The following XRN2 variants were observed in gnomAD, a reference collection of about 807,000 sequenced individuals.
XRN2 encodes 5'-3' exoribonuclease 2, also known as DHM1-like protein.
A neutral mutation model predicts 138.5 loss-of-function variants in XRN2; 44 were observed. The observed-to-expected ratio is 0.32, with a 90% confidence interval of 0.25 to 0.41. The LOEUF (loss-of-function observed/expected upper bound fraction) is 0.41, where lower values mean the gene tolerates loss of function less well. Ranked by LOEUF, XRN2 falls within the 10% of genes least tolerant of loss-of-function variation. The pLI is 1.00. For missense variants in XRN2, 937 were observed against 1,169.3 expected (o/e 0.80, Z 2.90); for synonymous variants, 354 against 369.4 (o/e 0.96, Z 0.48).
intron 24 of XRN2, 54 bp downstream of exon 24, chr20:21,357,846 A>C (rs928671323): frequency 6.8e-7 from 1 of 1,466,702 alleles, no homozygotes; most frequent in Non-Finnish European, 9.3e-7. Flanking sequence ...TGAACTTGCA[A>C]ATCCATTTTA....
At chr20:21,367,445 A>C (rs1360835898) in intron 26 of XRN2, among the ~76,000 whole-genome samples, 1 of 152,134 alleles carries the variant, frequency 6.6e-6, no homozygotes, top group Admixed American at 6.5e-5. Context: ...TATACAGCAA[A>C]TATTAAGAGG....
Position 21,357,759 on chromosome 20 carries a change from TG to T in XRN2, c.2223del (p.Met741IlefsTer2). On this transcript the variant is annotated frameshift_variant, in exon 24 of 30. Coordinates refer to ENST00000377191, the MANE Select transcript of XRN2 (RefSeq NM_012255.5). LOFTEE classifies it high-confidence loss of function. ...PDQIVCSPVP[M>X]LRDLTQNTVV... ...AGAATAGTATGTTCTCCTGTTCCTA[TG>T]TTAAGGGATCTGACACAGAACACTG... 6.3e-7 allele frequency: 1 copy of T among 1,599,424 alleles called. No individual in the cohort carries two copies. Among genetic ancestry groups the T allele is most frequent in the Non-Finnish European group, 8.5e-7 (1 of 1,173,242 alleles).
In XRN2 at chr20:21,332,636, C is replaced by T. The variant is rs538388724; in HGVS notation, c.858+196C>T. Among the ~76,000 whole-genome samples the T allele has an allele frequency of 5.3e-5, 8 of 151,922 alleles. No individual in the cohort carries two copies. The South Asian group carries it at 6.2e-4, about 12-fold the overall frequency. On this transcript the variant is annotated intron_variant, in intron 9 of 29. Coordinates refer to ENST00000377191, the MANE Select transcript of XRN2 (RefSeq NM_012255.5). The stretch of plus-strand genomic sequence containing the variant: ...GTTCTTTATGTGCTTGTTCTGTTAC[C>T]GTTACCCTTCACAGAGATGTATCTT...
At position 21,340,710 on chromosome 20, in the gene XRN2, A is replaced by G. The variant is rs774693960; in HGVS notation, c.1279-11A>G. 1 of 1,609,892 alleles carries G rather than the reference A, an allele frequency of 6.2e-7. No homozygotes were observed. The highest frequency in any genetic ancestry group is 2.2e-5 in the East Asian group (1 of 44,796). On this transcript the variant is annotated splice_polypyrimidine_tract_variant and intron_variant, in intron 14 of 29. Transcript: ENST00000377191. The stretch of plus-strand genomic sequence containing the variant: ...TAATTTTAATTTCTACATTCATTCC[A>G]TTTATGTTAGAGAGATCAACCAGCT...
chr20:21,319,722 A>G (rs1319414696), intron 1 of XRN2, among the ~76,000 whole-genome samples: 1 of 152,046 alleles, frequency 6.6e-6, no homozygotes, highest in East Asian at 1.9e-4. Flanking sequence ...CCCCCTTTGT[A>G]TATTATTGTT....
At chr20:21,319,523 A>G (rs1299269580) in intron 1 of XRN2, among the ~76,000 whole-genome samples, 1 of 151,914 alleles carries the variant, frequency 6.6e-6, no homozygotes, top group African/African-American at 2.4e-5. Context: ...TTTCTTATTC[A>G]GTGGCCAGTT....
intron 1 of XRN2, among the ~76,000 whole-genome samples, chr20:21,322,941 C>T (rs887280034): frequency 6.6e-6 from 1 of 152,212 alleles, no homozygotes; most frequent in Non-Finnish European, 1.5e-5. Context: ...TCAGCCAGGG[C>T]ACTGCACTGC....
chr20:21,353,062 G>T (rs1385676376), intron 20 of XRN2, among the ~76,000 whole-genome samples: 1 of 150,820 alleles, frequency 6.6e-6, no homozygotes, highest in Non-Finnish European at 1.5e-5. Flanking sequence ...ACTTCACATT[G>T]TTAACTGATT....
At chr20:21,311,043 G>A (rs552240598) in intron 1 of XRN2, among the ~76,000 whole-genome samples, 4 of 152,078 alleles carry the variant, frequency 2.6e-5, no homozygotes, top group Admixed American at 6.5e-5. Flanking sequence ...GAGCCACTGC[G>A]CCTGTCCGGG....
intron 4 of XRN2, among the ~76,000 whole-genome samples, chr20:21,330,242 C>T (rs921842829): frequency 3.3e-5 from 5 of 152,100 alleles, no homozygotes; most frequent in African/African-American, 7.2e-5. Context: ...CGAGATTGCA[C>T]CACTGCACTC....
At chr20:21,367,454 G>A (rs780802215) in intron 26 of XRN2, among the ~76,000 whole-genome samples, 3 of 151,916 alleles carry the variant, frequency 2.0e-5, no homozygotes, top group Admixed American at 6.6e-5. Flanking sequence ...AATATTAAGA[G>A]GGATAGTGTG....
chr20:21,367,467 A>G (rs2038716849), intron 26 of XRN2, among the ~76,000 whole-genome samples: 1 of 152,134 alleles, frequency 6.6e-6, no homozygotes, highest in African/African-American at 2.4e-5. Context: ...ATAGTGTGGC[A>G]GAGTGATTAA....
intron 3 of XRN2, 52 bp from the exon 4 acceptor site, chr20:21,328,506 AT>A: frequency 6.6e-7 from 1 of 1,522,668 alleles, no homozygotes; most frequent in South Asian, 1.2e-5. Flanking sequence ...TAAGGTACAG[AT>A]TTATTTGTGA....
chr20:21,357,813 G>T, intron 24 of XRN2, 21 bp downstream of exon 24: 1 of 1,593,284 alleles, frequency 6.3e-7, no homozygotes, highest in Non-Finnish European at 8.5e-7. Context: ...CAAAATTCAT[G>T]GCATTCACCC....
intron 15 of XRN2, 60 bp from the exon 16 acceptor site, chr20:21,344,030 A>G (rs2038404828): frequency 1.6e-6 from 2 of 1,288,932 alleles, no homozygotes; most frequent in South Asian, 2.5e-5. Context: ...GGTTGGATGT[A>G]CCTTCTTATG....
chr20:21,378,648 TCTTTC>T (rs2038850929), intron 27 of XRN2, among the ~76,000 whole-genome samples: 2 of 152,364 alleles, frequency 1.3e-5, no homozygotes, highest in African/African-American at 4.8e-5. Flanking sequence ...TAAAAGATCA[TCTTTC>T]CTTTTATAGA....
At chr20:21,370,998 G>C (rs1049552999) in intron 27 of XRN2, among the ~76,000 whole-genome samples, 14 of 152,156 alleles carry the variant, frequency 9.2e-5, no homozygotes, top group Non-Finnish European at 1.9e-4. Context: ...TGTTAAATCT[G>C]AGTGTCATAT....
intron 27 of XRN2, among the ~76,000 whole-genome samples, chr20:21,372,835 G>C (rs2038778032): frequency 1.3e-5 from 2 of 151,482 alleles, no homozygotes; most frequent in African/African-American, 2.4e-5. Flanking sequence ...CCATTAAAGG[G>C]AACCAGTATC....
intron 24 of XRN2, among the ~76,000 whole-genome samples, chr20:21,361,887 T>G (rs534173000): frequency 7.2e-4 from 109 of 152,334 alleles, no homozygotes; most frequent in African/African-American, 2.3e-3. Flanking sequence ...GGGAACAAAT[T>G]AAGATACTAA....
Sources: allele counts gnomAD v4.1 joint callset (sites outside exome capture counted in the v4.1 genomes callset), GRCh38; gene constraint gnomAD v4.1.1; transcripts MANE v1.5; gene names NCBI Gene and HGNC (gene_info 2026-07-23, HGNC 2026-07-21).